Variants in MORN5 observed in about 807,000 individuals in gnomAD.
MORN5 encodes MORN repeat-containing protein 5.
A neutral mutation model predicts 22.1 loss-of-function variants in MORN5; 21 were observed. That is an observed-to-expected ratio of 0.95 (90% confidence interval 0.67 to 1.37). MORN5 has a LOEUF of 1.37. Ranked by LOEUF, MORN5 falls within the 40% of genes most tolerant of loss-of-function variation. The probability of loss-of-function intolerance (pLI) is 0.00; values close to 1 mark genes in which losing one functional copy is unlikely to be tolerated. For missense variants in MORN5, 211 were observed against 215.1 expected (o/e 0.98, Z 0.12); for synonymous variants, 73 against 74.0 (o/e 0.99, Z 0.07).
At position 122,174,054 on chromosome 9, in the gene MORN5, C is replaced by T. The variant is rs1437704274; in HGVS notation, c.308-442C>T. Among the ~76,000 whole-genome samples the T allele has an allele frequency of 2.6e-5, 4 of 152,336 alleles. No homozygotes were observed. The South Asian group carries it at 6.2e-4, about 24-fold the overall frequency. ...TTCTTTTCTGCTGTTCTCCTTCATA[C>T]GTGCTCTGCTCTACAAGGTTTCCAG... On this transcript the variant is annotated intron_variant, in intron 3 of 4. Coordinates refer to ENST00000373764, the MANE Select transcript of MORN5 (RefSeq NM_198469.4).
At chr9:122,185,903 G>A (rs924150760) in intron 4 of MORN5, among the ~76,000 whole-genome samples, 44 of 152,172 alleles carry the variant, frequency 2.9e-4, no homozygotes, top group African/African-American at 9.4e-4. Flanking sequence ...CAAAATGGCC[G>A]AGTGAGACTC....
At chr9:122,161,176 C>T (rs141152685) in intron 1 of MORN5, among the ~76,000 whole-genome samples, 7 of 152,256 alleles carry the variant, frequency 4.6e-5, no homozygotes, top group African/African-American at 1.2e-4. Flanking sequence ...GTTGTCGGGA[C>T]TGTGAAGCAC....
chr9:122,164,911 G>T (rs1829253174), intron 1 of MORN5, among the ~76,000 whole-genome samples: 1 of 152,200 alleles, frequency 6.6e-6, no homozygotes, highest in Admixed American at 6.6e-5. Flanking sequence ...TCTGTTCACT[G>T]ACTACTCTTT....
chr9:122,198,342 TGTTCCCAA>T (rs976559796), intron 4 of MORN5, among the ~76,000 whole-genome samples: 2 of 152,280 alleles, frequency 1.3e-5, no homozygotes, highest in Middle Eastern at 3.4e-3. Context: ...GGAGTGCCCT[TGTTCCCAA>T]GCATCTGCCA....
In MORN5 at chr9:122,167,956, C is replaced by T. The variant is rs77472392; in HGVS notation, c.195+1041C>T. On this transcript the variant is annotated intron_variant, in intron 2 of 4. Transcript: ENST00000373764. ...TCACCCTTCGTCCCTCTGCTTTCAT[C>T]GTCATCTCTTCTTCTCTCACCCTGA... Among the ~76,000 whole-genome samples the T allele has an allele frequency of 4.6e-5, 7 of 152,296 alleles. No individual in the cohort carries two copies. In the East Asian group the frequency reaches 9.7e-4, roughly 21 times the overall value.
intron 4 of MORN5, among the ~76,000 whole-genome samples, chr9:122,185,383 T>C (rs532473325): frequency 2.0e-4 from 17 of 83,626 alleles, no homozygotes; most frequent in South Asian, 1.6e-3. Context: ...CCACCATGCC[T>C]GGCTAATTTT....
chr9:122,160,505 T>C (rs1215387159), intron 1 of MORN5, among the ~76,000 whole-genome samples: 2 of 152,234 alleles, frequency 1.3e-5, no homozygotes, highest in African/African-American at 4.8e-5. Context: ...AGTGGACTAG[T>C]AGTAAAAAAC....
intron 4 of MORN5, among the ~76,000 whole-genome samples, chr9:122,184,171 G>A (rs928304410): frequency 6.6e-6 from 1 of 152,268 alleles, no homozygotes; most frequent in Middle Eastern, 3.4e-3. Context: ...GAGGAAACAG[G>A]CTCAGTGGGG....
intron 1 of MORN5, among the ~76,000 whole-genome samples, chr9:122,161,980 T>A (rs1406611964): frequency 6.6e-6 from 1 of 152,254 alleles, no homozygotes; most frequent in African/African-American, 2.4e-5. Context: ...CTTGTTATAC[T>A]TCTTTTCATA....
Position 122,159,950 on chromosome 9 carries a change from G to A in MORN5, c.-23G>A. Reference sequence around the variant, plus strand: ...TCCACTGAGACTCCGGATCCTAACAGCTGGAAGCTAAAAACAGGCGCCATG... The same window carrying A: ...TCCACTGAGACTCCGGATCCTAACAACTGGAAGCTAAAAACAGGCGCCATG... On this transcript the variant is annotated 5_prime_UTR_variant, in exon 1 of 5. Coordinates refer to ENST00000373764, the MANE Select transcript of MORN5 (RefSeq NM_198469.4). 1 of 1,613,530 alleles carries A rather than the reference G, an allele frequency of 6.2e-7. No homozygotes were observed. Among genetic ancestry groups the A allele is most frequent in the Non-Finnish European group, 8.5e-7 (1 of 1,179,486 alleles).
chr9:122,164,456 C>A (rs1006201790), intron 1 of MORN5: 2 of 441,778 alleles, frequency 4.5e-6, no homozygotes, highest in Non-Finnish European at 3.0e-6. Flanking sequence ...TGATTGGCTC[C>A]AGTCCCGTCC....
At chr9:122,177,767 T>C (rs914252815) in intron 4 of MORN5, among the ~76,000 whole-genome samples, 14 of 152,238 alleles carry the variant, frequency 9.2e-5, no homozygotes, top group African/African-American at 3.4e-4. Context: ...ACCCCTTTTG[T>C]TGCTCAGCAT....
chr9:122,198,391 T>C (rs1829941562), intron 4 of MORN5, among the ~76,000 whole-genome samples: 1 of 152,088 alleles, frequency 6.6e-6, no homozygotes, highest in Non-Finnish European at 1.5e-5. Context: ...GACACACCCA[T>C]CCTCCCATCT....
rs555395894 is a variant in MORN5, at chr9:122,165,520, A to G, written c.48-1248A>G. Among the ~76,000 whole-genome samples, 6 of 151,958 alleles carry G rather than the reference A, an allele frequency of 3.9e-5. No homozygotes were observed. In the East Asian group the frequency reaches 5.8e-4, roughly 15 times the overall value. On this transcript the variant is annotated intron_variant, in intron 1 of 4. Coordinates refer to ENST00000373764, the MANE Select transcript of MORN5 (RefSeq NM_198469.4). ...AGTTCAGGGGATTGAGGCTGCATTG[A>G]GCCATGATCACACAGCTGTACTGCA...
At chr9:122,165,486 G>C (rs1463946330) in intron 1 of MORN5, among the ~76,000 whole-genome samples, 3 of 151,960 alleles carry the variant, frequency 2.0e-5, no homozygotes, top group Non-Finnish European at 2.9e-5. Flanking sequence ...GAGGTGGGAG[G>C]ATCACTTGAG....
At chr9:122,193,144 G>T (rs1588317274) in intron 4 of MORN5, among the ~76,000 whole-genome samples, 1 of 152,154 alleles carries the variant, frequency 6.6e-6, no homozygotes, top group Non-Finnish European at 1.5e-5. Context: ...GGGCCTTTAA[G>T]TATGGATTGT....
At chr9:122,170,398 T>C (rs1371735168) in intron 3 of MORN5, among the ~76,000 whole-genome samples, 2 of 152,210 alleles carry the variant, frequency 1.3e-5, no homozygotes, top group Non-Finnish European at 2.9e-5. Flanking sequence ...GAACAGTGCC[T>C]TGAATGCATG....
chr9:122,179,319 T>C (rs1829500532), intron 4 of MORN5, among the ~76,000 whole-genome samples: 1 of 152,168 alleles, frequency 6.6e-6, no homozygotes, highest in South Asian at 2.1e-4. Context: ...GGGAAGGCTT[T>C]AGGCAGGTAA....
intron 3 of MORN5, among the ~76,000 whole-genome samples, chr9:122,170,236 C>T (rs530915388): frequency 1.7e-4 from 26 of 149,606 alleles, no homozygotes; most frequent in African/African-American, 6.1e-4. Context: ...GTGGAGTTTG[C>T]AGTGAGCTGA....
Sources: gnomAD v4.1 joint callset for allele counts (sites outside exome capture counted in the v4.1 genomes callset) on GRCh38, gnomAD v4.1.1 for gene constraint, MANE v1.5 for transcripts, NCBI Gene and HGNC (gene_info 2026-07-23, HGNC 2026-07-21) for gene names.